The following CERS6 variants were observed in gnomAD, a reference collection of about 807,000 sequenced individuals.
The protein encoded by CERS6 is ceramide synthase 6.
Under a neutral mutation model 56.8 loss-of-function variants are expected in CERS6, and 26 were observed. The ratio of observed to expected loss-of-function variants is 0.46; its 90% CI spans 0.34 to 0.63. CERS6 has a LOEUF of 0.63. CERS6 is among the 30% of genes least tolerant of loss of function. CERS6 has a pLI of 0.01. For synonymous variants in CERS6, 164 were observed against 173.3 expected (o/e 0.95, Z 0.42); for missense variants, 415 against 467.5 (o/e 0.89, Z 1.04).
At chr2:168,531,415 A>G (rs1391931202) in intron 1 of CERS6, among the ~76,000 whole-genome samples, 1 of 152,226 alleles carries the variant, frequency 6.6e-6, no homozygotes, top group Admixed American at 6.5e-5. Flanking sequence ...TCTAGAGAAA[A>G]ATCTGGCTTG....
intron 3 of CERS6, among the ~76,000 whole-genome samples, chr2:168,566,961 A>G (rs939810763): frequency 6.6e-6 from 1 of 152,318 alleles, no homozygotes; most frequent in Admixed American, 6.5e-5. Context: ...AATTCTCCTC[A>G]TAATGAATGC....
chr2:168,489,836 T>C (rs1694337820), intron 1 of CERS6, among the ~76,000 whole-genome samples: 1 of 152,168 alleles, frequency 6.6e-6, no homozygotes, highest in Admixed American at 6.5e-5. Flanking sequence ...ATCTGATTGC[T>C]TTTTTCCCTA....
At chr2:168,712,019 G>A (rs1687104020) in intron 6 of CERS6, among the ~76,000 whole-genome samples, 1 of 152,166 alleles carries the variant, frequency 6.6e-6, no homozygotes, top group African/African-American at 2.4e-5. Flanking sequence ...TTGTGGAAAG[G>A]TGGATAGGTA....
In CERS6 at chr2:168,695,056, G is replaced by A. The variant is rs1160169608; in HGVS notation, c.609+5G>A. On this transcript the variant is annotated splice_donor_5th_base_variant and intron_variant, in intron 6 of 9. Transcript: ENST00000305747. Reference sequence around the variant, plus strand: ...TTCACTGATATCAAAAGAAAGGTAAGAGCGGTTATGTCGTAAAGTGCTTGC... The same window carrying A: ...TTCACTGATATCAAAAGAAAGGTAAAAGCGGTTATGTCGTAAAGTGCTTGC... 6.2e-7 allele frequency: 1 copy of A among 1,609,418 alleles called. No individual in the cohort carries two copies. The highest frequency in any genetic ancestry group is 8.5e-7 in the Non-Finnish European group (1 of 1,176,066).
chr2:168,598,735 C>G (rs1159247957), intron 3 of CERS6, among the ~76,000 whole-genome samples: 1 of 152,162 alleles, frequency 6.6e-6, no homozygotes, highest in East Asian at 1.9e-4. Context: ...ATAGAGCTAT[C>G]CCTTAATCTT....
intron 1 of CERS6, among the ~76,000 whole-genome samples, chr2:168,534,849 C>A (rs1416177201): frequency 1.3e-5 from 2 of 152,192 alleles, no homozygotes; most frequent in African/African-American, 4.8e-5. Flanking sequence ...GTCTGCTGGT[C>A]CGCAGAGACT....
chr2:168,591,277 G>A (rs936963790), intron 3 of CERS6, among the ~76,000 whole-genome samples: 5 of 152,102 alleles, frequency 3.3e-5, no homozygotes, highest in Admixed American at 6.5e-5. Flanking sequence ...AGTATTGTTA[G>A]TGCTATTTCT....
chr2:168,502,169 T>C (rs1694594482), intron 1 of CERS6, among the ~76,000 whole-genome samples: 1 of 152,106 alleles, frequency 6.6e-6, no homozygotes, highest in African/African-American at 2.4e-5. Flanking sequence ...TTGGATCATT[T>C]TGTCTGGATT....
chr2:168,577,932 C>T (rs1025518352), intron 3 of CERS6, among the ~76,000 whole-genome samples: 2 of 152,102 alleles, frequency 1.3e-5, no homozygotes, highest in Admixed American at 6.5e-5. Context: ...AGTACATTGT[C>T]GTTTCTGGGG....
At chr2:168,517,949 G>T (rs1694913108) in intron 1 of CERS6, among the ~76,000 whole-genome samples, 1 of 152,306 alleles carries the variant, frequency 6.6e-6, no homozygotes, top group East Asian at 1.9e-4. Flanking sequence ...CTTAATCATT[G>T]AAATGGCACA....
In CERS6 at chr2:168,762,156, A is replaced by G. The variant is rs1330098752; in HGVS notation, c.846-3436A>G. Among the ~76,000 whole-genome samples the G allele has an allele frequency of 2.0e-5, 3 of 152,208 alleles. No homozygotes were observed. The East Asian group carries it at 5.8e-4, about 29-fold the overall frequency. ...CCTGCACATTCTGCATATGTATCCC[A>G]GAACTTAAATTATAGTAAATAAATT... On this transcript the variant is annotated intron_variant, in intron 8 of 9. Transcript: ENST00000305747.
In CERS6 at chr2:168,771,074, C is replaced by T. The variant is rs570613045; in HGVS notation, c.*1412C>T. 1 of 152,142 alleles carries T rather than the reference C, an allele frequency of 6.6e-6. No individual in the cohort carries two copies. The highest frequency in any genetic ancestry group is 2.4e-5 in the African/African-American group (1 of 41,420). 9.4% of individuals were successfully genotyped at this position (152,142 alleles called of 1,614,324 possible). A position where few individuals can be genotyped will look rare whatever the true frequency, so the allele number is the denominator to read the frequency against. On this transcript the variant is annotated 3_prime_UTR_variant, in exon 10 of 10. Transcript: ENST00000305747. ...GTAAGAGGAAAAAGGGATTATAAAACCCTTCATAAATCAAGAAGGCCATCA... is the reference window on the plus strand; with the variant it reads ...GTAAGAGGAAAAAGGGATTATAAAATCCTTCATAAATCAAGAAGGCCATCA...
At chr2:168,769,239 G>A (rs1028399887) in intron 9 of CERS6, among the ~76,000 whole-genome samples, 1 of 152,102 alleles carries the variant, frequency 6.6e-6, no homozygotes, top group Non-Finnish European at 1.5e-5. Context: ...GGGATTCATG[G>A]TCTAGTATGT....
chr2:168,699,760 G>A lies in CERS6; in HGVS notation c.609+4709G>A, dbSNP rs140346904. On this transcript the variant is annotated intron_variant, in intron 6 of 9. Coordinates refer to ENST00000305747, the MANE Select transcript of CERS6 (RefSeq NM_203463.3). Reference sequence around the variant, plus strand: ...GAAATACTATTAATCTTCCCAAAGGGAAGATTAGATGAAAAATAAAAGATG... The same window carrying A: ...GAAATACTATTAATCTTCCCAAAGGAAAGATTAGATGAAAAATAAAAGATG... Among the ~76,000 whole-genome samples the A allele has an allele frequency of 7.1e-3, 1,084 of 152,144 alleles. 13 individuals carry two copies. Among genetic ancestry groups the A allele is most frequent in the African/African-American group, 0.024 (989 of 41,504 alleles).
rs898015680 is a variant in CERS6 at position 168,770,104 on chromosome 2, C to T, written c.*442C>T. ...CAAGCAAAACCCAGTGCAAGAGTCT[C>T]GTTCAGCTCTAAATAGGTTTGCTTT... On this transcript the variant is annotated 3_prime_UTR_variant, in exon 10 of 10. Transcript: ENST00000305747. The T allele has an allele frequency of 2.2e-5, 4 of 180,112 alleles. No homozygotes were observed. The highest frequency in any genetic ancestry group is 4.8e-5 in the African/African-American group (2 of 41,594). The allele number at this position is 180,112 out of a possible 1,614,324, so 11.2% of individuals were successfully genotyped here. A position where few individuals can be genotyped will look rare whatever the true frequency, so the allele number is the denominator to read the frequency against.
intron 1 of CERS6, among the ~76,000 whole-genome samples, chr2:168,500,133 G>T (rs1694553671): frequency 6.6e-6 from 1 of 152,120 alleles, no homozygotes; most frequent in South Asian, 2.1e-4. Flanking sequence ...ATTTAAAAAT[G>T]GGTCGCTTCT....
At chr2:168,554,818 T>C (rs1441012854) in intron 2 of CERS6, among the ~76,000 whole-genome samples, 1 of 152,146 alleles carries the variant, frequency 6.6e-6, no homozygotes, top group Non-Finnish European at 1.5e-5. Flanking sequence ...CAAAGTAGGA[T>C]TTCTAAAAGC....
intron 3 of CERS6, among the ~76,000 whole-genome samples, chr2:168,588,080 ATT>A (rs11396816): frequency 2.2e-5 from 3 of 138,524 alleles, no homozygotes; most frequent in Non-Finnish European, 3.1e-5. Context: ...TACCTGGCTA[ATT>A]TTTTTTTTTT....
intron 3 of CERS6, among the ~76,000 whole-genome samples, chr2:168,619,320 A>T (rs1684404582): frequency 1.3e-5 from 2 of 152,154 alleles, no homozygotes; most frequent in Non-Finnish European, 2.9e-5. Flanking sequence ...ATGACCAAGA[A>T]CCTAAAAGCA....
Sources: allele counts gnomAD v4.1 joint callset (sites outside exome capture counted in the v4.1 genomes callset), GRCh38; gene constraint gnomAD v4.1.1; transcripts MANE v1.5; gene names NCBI Gene and HGNC (gene_info 2026-07-23, HGNC 2026-07-21).